TRAM2: variants seen among roughly 807,000 people sequenced by gnomAD.
TRAM2 encodes translocating chain-associated membrane protein 2.
A neutral mutation model predicts 51.0 loss-of-function variants in TRAM2; 12 were observed. The observed-to-expected ratio is 0.24, with a 90% CI of 0.15 to 0.38. TRAM2 has a LOEUF of 0.38. Among genes scored for constraint, TRAM2 ranks in the 10% least tolerant of loss-of-function variants. The pLI, the probability that TRAM2 is intolerant of heterozygous loss-of-function variation, is 1.00. For synonymous variants in TRAM2, 175 were observed against 179.4 expected, an observed-to-expected ratio of 0.98 and a Z score of 0.20; for missense variants, 361 against 462.0, an observed-to-expected ratio of 0.78 and a Z score of 2.00.
At chr6:52,531,633 G>A (rs763452901) in intron 2 of TRAM2, among the ~76,000 whole-genome samples, 10 of 152,264 alleles carry the variant, frequency 6.6e-5, no homozygotes, top group Non-Finnish European at 1.0e-4. Context: ...AGGTGTCTGC[G>A]CCCTCACTTG....
chr6:52,557,966 T>G (rs1326139761), intron 1 of TRAM2, among the ~76,000 whole-genome samples: 1 of 152,130 alleles, frequency 6.6e-6, no homozygotes, highest in Non-Finnish European at 1.5e-5. Context: ...AAGCTGAGCT[T>G]GCAAGCTGAA....
chr6:52,534,549 C>A (rs1766947084), intron 2 of TRAM2, among the ~76,000 whole-genome samples: 1 of 152,142 alleles, frequency 6.6e-6, no homozygotes, highest in Admixed American at 6.5e-5. Context: ...AAGTTGCAGA[C>A]CTGTGCCCGA....
intron 10 of TRAM2, among the ~76,000 whole-genome samples, chr6:52,504,308 A>C (rs1766298962): frequency 6.6e-6 from 1 of 152,160 alleles, no homozygotes; most frequent in Non-Finnish European, 1.5e-5. Flanking sequence ...CCCTGAGGAC[A>C]CGCTTCCTGC....
chr6:52,508,148 G>A (rs1036914825), intron 6 of TRAM2, 86 bp downstream of exon 6: 4 of 1,269,522 alleles, frequency 3.2e-6, no homozygotes, highest in African/African-American at 1.5e-5. Context: ...TGCTTCTGGA[G>A]AAAAGGAAGG....
At chr6:52,565,832 C>T (rs1767581970) in intron 1 of TRAM2, among the ~76,000 whole-genome samples, 2 of 152,174 alleles carry the variant, frequency 1.3e-5, no homozygotes, top group South Asian at 2.1e-4. Flanking sequence ...CCACTGAACA[C>T]GCCACGTCCC....
intron 4 of TRAM2, among the ~76,000 whole-genome samples, chr6:52,513,073 G>T (rs565895880): frequency 6.6e-6 from 1 of 152,132 alleles, no homozygotes; most frequent in East Asian, 1.9e-4. Flanking sequence ...ATGAGTAGTC[G>T]ATCAAAGGTA....
At chr6:52,513,120 T>C (rs1265663083) in intron 4 of TRAM2, among the ~76,000 whole-genome samples, 2 of 152,200 alleles carry the variant, frequency 1.3e-5, no homozygotes, top group Non-Finnish European at 2.9e-5. Flanking sequence ...TATAAAATTA[T>C]TGGCGGTCCA....
chr6:52,506,128 C>T lies in TRAM2; in HGVS notation c.635G>A (p.Arg212His), dbSNP rs61734483. 11 of 1,613,784 alleles carry T rather than the reference C, an allele frequency of 6.8e-6. No individual in the cohort carries two copies. Among genetic ancestry groups the T allele is most frequent in the South Asian group, 1.1e-5 (1 of 91,086 alleles). Residue 212 changes from arginine to histidine, a missense_variant, in exon 8 of 11, where the codon CGC becomes CAC. Physicochemically the swap from Arg to His is conservative, Grantham distance 29. Transcript: ENST00000182527. ...IAGAYLLNLSRLGLILLLLQY... is the reference protein window; with the variant it reads ...IAGAYLLNLSHLGLILLLLQY... ...CAGCAGCAGCAAGATCAGGCCCAGG[C>T]GGCTCAGGCTGGGGGTGGGGAAGAC...
chr6:52,513,255 T>C (rs542946166), intron 4 of TRAM2, among the ~76,000 whole-genome samples: 1 of 152,350 alleles, frequency 6.6e-6, no homozygotes, highest in South Asian at 2.1e-4. Context: ...TTGTTCACTT[T>C]TTAAAAAATG....
intron 9 of TRAM2, among the ~76,000 whole-genome samples, chr6:52,504,985 C>T (rs935672430): frequency 1.3e-5 from 2 of 152,232 alleles, no homozygotes; most frequent in African/African-American, 2.4e-5. Context: ...AAGGAAGTGG[C>T]GACAGACGTA....
At chr6:52,506,896 G>A (rs75842823) in intron 7 of TRAM2, among the ~76,000 whole-genome samples, 22,839 of 152,136 alleles carry the variant, frequency 0.15, 2,241 homozygotes, top group Non-Finnish European at 0.21. Flanking sequence ...CAGGCACCTC[G>A]GCAGAAAGTT....
Position 52,510,567 on chromosome 6 carries a change from G to C in TRAM2, c.412-981C>G, listed in dbSNP as rs562649380. On this transcript the variant is annotated intron_variant, in intron 4 of 10. Coordinates refer to ENST00000182527, the MANE Select transcript of TRAM2 (RefSeq NM_012288.4). ...TGTATAAGACCAGGACCTCTGAAAGGCCACAATCTCAGAGAAAGGAAAAGA... is the reference window on the plus strand; with the variant it reads ...TGTATAAGACCAGGACCTCTGAAAGCCCACAATCTCAGAGAAAGGAAAAGA... Among the ~76,000 whole-genome samples the C allele has an allele frequency of 2.2e-4, 33 of 152,258 alleles. No individual in the cohort carries two copies. In the South Asian group the frequency reaches 6.8e-3, roughly 32 times the overall value.
intron 2 of TRAM2, chr6:52,524,960 C>T (rs1172127086): frequency 6.6e-6 from 1 of 152,268 alleles, no homozygotes; most frequent in Non-Finnish European, 1.5e-5. Context: ...ATGCCTACTT[C>T]CAACAGAAAC....
rs1767129507 is a variant in TRAM2, at chr6:52,542,915, A to G, written c.121-7069T>C. On this transcript the variant is annotated intron_variant, in intron 1 of 10. Transcript: ENST00000182527. ...AGAGAATAAAGCTTGAACTTGCCATAATATACATCCCCAATTTGGGAAATT... is the reference window on the plus strand; with the variant it reads ...AGAGAATAAAGCTTGAACTTGCCATGATATACATCCCCAATTTGGGAAATT... Among the ~76,000 whole-genome samples the G allele has an allele frequency of 2.0e-5, 3 of 152,226 alleles. No homozygotes were observed. In the South Asian group the frequency reaches 6.2e-4, roughly 31 times the overall value.
At chr6:52,551,124 C>T (rs1404425871) in intron 1 of TRAM2, among the ~76,000 whole-genome samples, 1 of 152,082 alleles carries the variant, frequency 6.6e-6, no homozygotes, top group Non-Finnish European at 1.5e-5. Flanking sequence ...TTCAAGGGGG[C>T]CTTTACTGAG....
rs897044165 is a variant in TRAM2, at chr6:52,502,008, C to G, written c.*1189G>C. 3.9e-5 allele frequency: 6 copies of G among 152,186 alleles called. No individual in the cohort carries two copies. Among genetic ancestry groups the G allele is most frequent in the African/African-American group, 1.4e-4 (6 of 41,440 alleles). 9.4% of individuals were successfully genotyped at this position (152,186 alleles called of 1,614,324 possible). On this transcript the variant is annotated 3_prime_UTR_variant, in exon 11 of 11. Coordinates refer to ENST00000182527, the MANE Select transcript of TRAM2 (RefSeq NM_012288.4). ...ATCTACCCAGAGAGTGACTCTCAGT[C>G]AGTCATGGTTTCATGCAGTCTAAAA...
chr6:52,561,508 C>T (rs1181998950), intron 1 of TRAM2, among the ~76,000 whole-genome samples: 4 of 142,544 alleles, frequency 2.8e-5, no homozygotes, highest in African/African-American at 7.8e-5. Flanking sequence ...TTTTTTGAGA[C>T]GGAGTCTCGC....
rs533694391 is a variant in TRAM2, at chr6:52,573,745, C to T, written c.120+3051G>A. ...AGAACTAAAGCCCTGGGGTCCCTAA[C>T]GGGGAAACAGAAGCCCCCTGAATGC... On this transcript the variant is annotated intron_variant, in intron 1 of 10. Coordinates refer to ENST00000182527, the MANE Select transcript of TRAM2 (RefSeq NM_012288.4). Among the ~76,000 whole-genome samples the T allele has an allele frequency of 2.0e-5, 3 of 152,248 alleles. No individual in the cohort carries two copies. In the East Asian group the frequency reaches 5.8e-4, roughly 29 times the overall value.
At chr6:52,506,572 C>T (rs963068407) in intron 7 of TRAM2, among the ~76,000 whole-genome samples, 2 of 152,206 alleles carry the variant, frequency 1.3e-5, no homozygotes, top group African/African-American at 4.8e-5. Context: ...GCAGAAGCAG[C>T]AAGTGCTCCT....
Sources: gnomAD v4.1 joint callset for allele counts (sites outside exome capture counted in the v4.1 genomes callset) on GRCh38, gnomAD v4.1.1 for gene constraint, MANE v1.5 for transcripts, NCBI Gene and HGNC (gene_info 2026-07-23, HGNC 2026-07-21) for gene names.